Variants in TMEM164 observed in about 807,000 individuals in gnomAD.
The protein encoded by TMEM164 is RP13-360B22.2.
A neutral mutation model predicts 18.8 loss-of-function variants in TMEM164; 4 were observed. The ratio of observed to expected loss-of-function variants is 0.21; its 90% CI spans 0.10 to 0.49. The LOEUF is 0.49. Ranked by LOEUF, TMEM164 falls within the 20% of genes least tolerant of loss-of-function variation. TMEM164 has a pLI of 0.98. For synonymous variants in TMEM164, 86 were observed against 101.7 expected, an observed-to-expected ratio of 0.85 and a Z score of 0.93; for missense variants, 108 against 239.9, an observed-to-expected ratio of 0.45 and a Z score of 3.63.
At chrX:110,020,544 A>T (rs1933750658) in intron 2 of TMEM164, 1 of 752,778 alleles carries the variant, frequency 1.3e-6, no homozygotes, top group Admixed American at 8.8e-5. Flanking sequence ...GAAGACTCTG[A>T]CGGAGCAGCC....
At chrX:110,052,998 A>C (rs753753827) in intron 2 of TMEM164, among the ~76,000 whole-genome samples, 2 of 110,685 alleles carry the variant, frequency 1.8e-5, no homozygotes, top group African/African-American at 6.6e-5. Context: ...TGATCTGCCC[A>C]CCTTGGCCTC....
At chrX:110,007,939 A>G (rs1932811000) in intron 2 of TMEM164, among the ~76,000 whole-genome samples, 1 of 112,378 alleles carries the variant, frequency 8.9e-6, no homozygotes, top group Non-Finnish European at 1.9e-5. Flanking sequence ...GTCTATGCGC[A>G]TAAGGCAGGC....
chrX:110,109,261 T>A, intron 4 of TMEM164, 115 bp downstream of exon 4: 1 of 686,849 alleles, frequency 1.5e-6, no homozygotes, highest in Non-Finnish European at 2.3e-6. Context: ...CTCACACCTG[T>A]AATCCCAGCA....
rs1013090149 is a variant in TMEM164, at chrX:110,166,613, G to C, written c.587-4807G>C. ...GTGGGGATCAGTCTTGGCTGCTGCT[G>C]GTGCAACTGACTTCTTTCCCAGGAC... is the stretch of plus-strand genomic sequence containing the variant. On this transcript the variant is annotated intron_variant, in intron 5 of 6. Coordinates refer to ENST00000372068, the MANE Select transcript of TMEM164 (RefSeq NM_032227.4). Among the ~76,000 whole-genome samples the C allele has an allele frequency of 2.7e-5, 3 of 111,839 alleles. No homozygotes were observed. In the Admixed American group the frequency reaches 2.8e-4, roughly 11 times the overall value.
rs1327999685 is a variant in TMEM164 at position 110,003,810 on chromosome X, G to T, written c.36G>T (p.Trp12Cys). 1 of 1,207,681 alleles carries T rather than the reference G, an allele frequency of 8.3e-7. No individual in the cohort carries two copies. The highest frequency in any genetic ancestry group is 1.1e-6 in the Non-Finnish European group (1 of 894,104). ...SRYSYQSLLD[W>C]LYGGVDPSFA... Reference sequence around the variant, plus strand: ...ATAGCTACCAGAGTCTCCTGGACTGGCTCTATGGGGGCGTGGACCCCAGTT... The same window carrying T: ...ATAGCTACCAGAGTCTCCTGGACTGTCTCTATGGGGGCGTGGACCCCAGTT... Residue 12 changes from tryptophan (W) to cysteine (C), a missense_variant, in exon 2 of 7, where the codon TGG becomes TGT. Transcript: ENST00000372068.
At chrX:110,128,928 T>G (rs778858625) in intron 4 of TMEM164, among the ~76,000 whole-genome samples, 110 of 111,985 alleles carry the variant, frequency 9.8e-4, no homozygotes, top group Non-Finnish European at 1.7e-3. Flanking sequence ...GCTTGTTTCC[T>G]TGTGTATTTA....
At position 110,107,508 on chromosome X, in the gene TMEM164, A is replaced by C. The variant is rs542777994; in HGVS notation, c.441-1572A>C. Among the ~76,000 whole-genome samples, 64 of 112,129 alleles carry C rather than the reference A, an allele frequency of 5.7e-4. 1 individual carries two copies. The South Asian group carries it at 0.019, about 34-fold the overall frequency. ...TTAAGTGCATACCATCGCTATTCGC[A>C]AAGTTTTGGTGACAAAGAACAATAG... is the stretch of plus-strand genomic sequence containing the variant. On this transcript the variant is annotated intron_variant, in intron 3 of 6. Transcript: ENST00000372068.
chrX:110,146,368 A>G (rs2066854435), intron 5 of TMEM164, among the ~76,000 whole-genome samples: 1 of 112,218 alleles, frequency 8.9e-6, no homozygotes, highest in Middle Eastern at 4.6e-3. Flanking sequence ...CCAAGTAGCC[A>G]TCTTTCCTCC....
At chrX:110,007,491 T>A (rs918098783) in intron 2 of TMEM164, among the ~76,000 whole-genome samples, 2 of 112,244 alleles carry the variant, frequency 1.8e-5, no homozygotes, top group African/African-American at 6.5e-5. Flanking sequence ...GCATGGCCAG[T>A]CCCTTTTTGC....
At chrX:110,091,631 G>C (rs1188354220) in intron 3 of TMEM164, among the ~76,000 whole-genome samples, 2 of 112,290 alleles carry the variant, frequency 1.8e-5, no homozygotes, top group Non-Finnish European at 3.8e-5. Flanking sequence ...TGGGTAGATT[G>C]TAAAAATTTT....
intron 3 of TMEM164, among the ~76,000 whole-genome samples, chrX:110,096,718 C>T (rs887879309): frequency 8.9e-6 from 1 of 112,135 alleles, no homozygotes; most frequent in African/African-American, 3.2e-5. Context: ...TGAGATGAAC[C>T]TGGTACCTCA....
At chrX:110,107,364 A>G (rs776941888) in intron 3 of TMEM164, among the ~76,000 whole-genome samples, 66 of 112,367 alleles carry the variant, frequency 5.9e-4, no homozygotes, top group Non-Finnish European at 1.1e-3. Context: ...AATTGTACCT[A>G]TCTCAGAAGA....
intron 5 of TMEM164, among the ~76,000 whole-genome samples, chrX:110,152,035 CT>C (rs1429692921): frequency 5.1e-5 from 5 of 98,762 alleles, no homozygotes; most frequent in African/African-American, 1.5e-4. Flanking sequence ...TTTTCTTCTT[CT>C]TTTTTTTTTC....
At chrX:110,181,293 C>A (rs773522783), downstream of TMEM164, among the ~76,000 whole-genome samples, 1 of 111,939 alleles carries the variant, frequency 8.9e-6, no homozygotes, top group African/African-American at 3.2e-5. Flanking sequence ...TACCTAAATT[C>A]AGCTTAAAAA....
chrX:110,123,953 T>A (rs954944216), intron 4 of TMEM164, among the ~76,000 whole-genome samples: 76 of 111,068 alleles, frequency 6.8e-4, no homozygotes, highest in Non-Finnish European at 3.6e-4. Flanking sequence ...TCTACCAAAA[T>A]TTTTTTTAAA....
At chrX:110,058,609 C>CTTTTTTTTTTTT (rs34108969) in intron 2 of TMEM164, among the ~76,000 whole-genome samples, 1 of 81,225 alleles carries the variant, frequency 1.2e-5, no homozygotes, top group Non-Finnish European at 2.3e-5. Context: ...CCCTTTCTTT[C>CTTTTTTTTTTTT]TTTTTTTTTT....
intron 4 of TMEM164, among the ~76,000 whole-genome samples, chrX:110,134,492 A>G: frequency 1.0e-5 from 1 of 99,104 alleles, no homozygotes; most frequent in East Asian, 3.4e-4. Context: ...CTCAGGAGGC[A>G]GAGGTTGCAG....
chrX:110,173,213 G>A (rs1157964844), intron 6 of TMEM164, 32 bp from the exon 7 acceptor site: 1 of 1,194,271 alleles, frequency 8.4e-7, no homozygotes, highest in Non-Finnish European at 1.1e-6. Context: ...TAAGGATGGT[G>A]AACGCTCACT....
chrX:110,076,811 ACAAGAG>A (rs1252279982), intron 3 of TMEM164, among the ~76,000 whole-genome samples: 6 of 112,149 alleles, frequency 5.4e-5, no homozygotes, highest in Non-Finnish European at 7.5e-5. Context: ...CCACTGTGGA[ACAAGAG>A]TATGCTTGGA....
Sources: allele counts gnomAD v4.1 joint callset (sites outside exome capture counted in the v4.1 genomes callset), GRCh38; gene constraint gnomAD v4.1.1; transcripts MANE v1.5; gene names NCBI Gene and HGNC (gene_info 2026-07-23, HGNC 2026-07-21).